SIPA1L1: variants seen among roughly 807,000 people sequenced by gnomAD.
The protein encoded by SIPA1L1 is signal-induced proliferation-associated 1-like protein 1.
SIPA1L1 carries 26 observed loss-of-function variants against 162.7 expected under a neutral mutation model. That is an observed-to-expected ratio of 0.16 (90% CI 0.12 to 0.22). The LOEUF is 0.22. Ranked by LOEUF, SIPA1L1 falls within the 10% of genes least tolerant of loss-of-function variation. The pLI is 1.00. For synonymous variants in SIPA1L1, 829 were observed against 837.4 expected (o/e 0.99, Z 0.17); for missense variants, 1,874 against 2,241.0 (o/e 0.84, Z 3.31).
chr14:71,738,257 C>A lies in SIPA1L1; in HGVS notation c.5140C>A (p.Pro1714Thr). ...TGTTCCCAGCAGTAAAGACTCCTCT[C>A]CCACTCTGGCTTCTAAAGTGGACCA... ...KPYSSSKDSS[P>T]TLASKVDQLE... The change falls in exon 23 of 24, where the codon CCC (proline) becomes ACC (threonine). Residue 1714 changes from proline (P) to threonine (T), a missense_variant. Transcript: ENST00000381232. 1 of 1,612,486 alleles carries A rather than the reference C, an allele frequency of 6.2e-7. No homozygotes were observed.
chr14:71,632,939 C>G (rs1487213427), intron 7 of SIPA1L1, among the ~76,000 whole-genome samples: 1 of 151,998 alleles, frequency 6.6e-6, no homozygotes, highest in Non-Finnish European at 1.5e-5. Context: ...CCAAAATGTC[C>G]AAAATTGAAT....
intron 4 of SIPA1L1, among the ~76,000 whole-genome samples, chr14:71,552,418 GT>G (rs1277303006): frequency 1.8e-4 from 26 of 148,542 alleles, no homozygotes; most frequent in Admixed American, 1.3e-4. Flanking sequence ...TTGAGACGGA[GT>G]CCCGCTCTTT....
rs754171334 is a variant in SIPA1L1 at position 71,672,383 on chromosome 14, T to C, written c.2865T>C (p.Thr955=). ...VSKGCESVEM[T]LRRNGLGQLG... The stretch of plus-strand genomic sequence containing the variant: ...AAGGCTGTGAATCGGTGGAGATGAC[T>C]CTGCGAAGAAATGGGCTAGGACAGC... Residue 955 remains threonine, a synonymous_variant, in exon 12 of 24, where the codon ACT becomes ACC. Transcript: ENST00000381232. 3.7e-6 allele frequency: 6 copies of C among 1,614,242 alleles called. No homozygotes were observed. Among genetic ancestry groups the C allele is most frequent in the Admixed American group, 1.7e-5 (1 of 60,030 alleles).
chr14:71,634,133 G>A (rs1333758743), intron 7 of SIPA1L1, among the ~76,000 whole-genome samples: 4 of 151,954 alleles, frequency 2.6e-5, no homozygotes, highest in African/African-American at 4.8e-5. Context: ...GGGCACGGTG[G>A]CTCATGCCTG....
chr14:71,327,180 T>C (rs1355241063), intron 2 of SIPA1L1, among the ~76,000 whole-genome samples: 3 of 151,178 alleles, frequency 2.0e-5, no homozygotes, highest in Non-Finnish European at 4.4e-5. Context: ...CCTCCCGGGT[T>C]CAAGCGATTC....
intron 2 of SIPA1L1, among the ~76,000 whole-genome samples, chr14:71,412,503 C>T (rs112299861): frequency 0.018 from 2,734 of 152,104 alleles, 31 homozygotes; most frequent in African/African-American, 0.027. Flanking sequence ...GGGGTCTTAC[C>T]GAGCTCTGTT....
In SIPA1L1 at chr14:71,739,221, C is replaced by T. The variant is rs1188919652; in HGVS notation, c.*60C>T. 12 of 1,477,144 alleles carry T rather than the reference C, an allele frequency of 8.1e-6. No individual in the cohort carries two copies. The highest frequency in any genetic ancestry group is 6.4e-5 in the Admixed American group (3 of 46,994). The allele number at this position is 1,477,144 out of a possible 1,614,324, so 91.5% of individuals were successfully genotyped here. On this transcript the variant is annotated 3_prime_UTR_variant, in exon 24 of 24. Coordinates refer to ENST00000381232, the MANE Select transcript of SIPA1L1 (RefSeq NM_001386936.1). The stretch of plus-strand genomic sequence containing the variant: ...ACTCCCTCCAGTGAGTGTCCTGCAG[C>T]CCTTATTCCCTCCATAGAAAGCATC...
At chr14:71,385,456 G>C (rs1239322725) in intron 2 of SIPA1L1, among the ~76,000 whole-genome samples, 1 of 152,008 alleles carries the variant, frequency 6.6e-6, no homozygotes, top group Admixed American at 6.5e-5. Context: ...TCGAGGATAG[G>C]GACTTGGTTT....
intron 2 of SIPA1L1, among the ~76,000 whole-genome samples, chr14:71,443,407 A>G (rs2045076862): frequency 6.6e-6 from 1 of 152,112 alleles, no homozygotes; most frequent in African/African-American, 2.4e-5. Context: ...TTGATAAAGA[A>G]TTTTATCTTT....
At chr14:71,692,310 T>C (rs2081308890) in intron 13 of SIPA1L1, among the ~76,000 whole-genome samples, 1 of 152,250 alleles carries the variant, frequency 6.6e-6, no homozygotes, top group African/African-American at 2.4e-5. Flanking sequence ...GAATACTTCA[T>C]TTTAAAAGTA....
intron 4 of SIPA1L1, among the ~76,000 whole-genome samples, chr14:71,562,515 G>T (rs1449679494): frequency 6.6e-6 from 1 of 152,116 alleles, no homozygotes; most frequent in Non-Finnish European, 1.5e-5. Flanking sequence ...ATCCAAAGTT[G>T]CTATTAAAGT....
chr14:71,498,047 G>A (rs1285728784), intron 2 of SIPA1L1, among the ~76,000 whole-genome samples: 1 of 152,164 alleles, frequency 6.6e-6, no homozygotes, highest in Non-Finnish European at 1.5e-5. Context: ...GTGTGAGTGG[G>A]ATCTTCTTAT....
chr14:71,324,924 T>C (rs929160076), intron 2 of SIPA1L1, among the ~76,000 whole-genome samples: 1 of 152,036 alleles, frequency 6.6e-6, no homozygotes, highest in African/African-American at 2.4e-5. Context: ...TGTAGGAGCT[T>C]CCTGTTGAAA....
intron 5 of SIPA1L1, among the ~76,000 whole-genome samples, chr14:71,608,879 G>A (rs1315637344): frequency 1.3e-5 from 2 of 152,050 alleles, no homozygotes; most frequent in East Asian, 1.9e-4. Flanking sequence ...GTGACAAAGC[G>A]AGACTCTGTC....
rs115720867 is a variant in SIPA1L1, at chr14:71,344,300, C to T, written c.-465+23119C>T. Among the ~76,000 whole-genome samples, 175 of 152,324 alleles carry T rather than the reference C, an allele frequency of 1.1e-3. 1 individual carries two copies. The highest frequency in any genetic ancestry group is 0.01 in the Middle Eastern group (3 of 294). ...CAGTGATCTCAGACAATTCCTCAAC[C>T]TCTTTCTTAATTTTTAAAAGGAAAA... On this transcript the variant is annotated intron_variant, in intron 2 of 23. Coordinates refer to ENST00000381232, the MANE Select transcript of SIPA1L1 (RefSeq NM_001386936.1).
intron 7 of SIPA1L1, among the ~76,000 whole-genome samples, chr14:71,632,857 A>G (rs529197401): frequency 6.0e-4 from 91 of 152,296 alleles, no homozygotes; most frequent in African/African-American, 2.2e-3. Flanking sequence ...TTTTTTCCAT[A>G]CCAGAATGGT....
chr14:71,672,677 C>T lies in SIPA1L1; in HGVS notation c.3104+55C>T, dbSNP rs1363225064. 3 of 1,559,430 alleles carry T rather than the reference C, an allele frequency of 1.9e-6. No individual in the cohort carries two copies. The African/African-American group carries it at 4.1e-5, about 21-fold the overall frequency. Reference sequence around the variant, plus strand: ...AGACTCGAGTGCAGGGTTTGTGTACCATGTAGAACATCTCTTAGCAGGTAG... The same window carrying T: ...AGACTCGAGTGCAGGGTTTGTGTACTATGTAGAACATCTCTTAGCAGGTAG... On this transcript the variant is annotated intron_variant, in intron 12 of 23. Transcript: ENST00000381232.
In SIPA1L1 at chr14:71,501,684, A is replaced by G. The variant is rs889966729; in HGVS notation, c.-464-11059A>G. Among the ~76,000 whole-genome samples, 13 of 151,912 alleles carry G rather than the reference A, an allele frequency of 8.6e-5. No individual in the cohort carries two copies. In the East Asian group the frequency reaches 1.3e-3, roughly 16 times the overall value. On this transcript the variant is annotated intron_variant, in intron 2 of 23. Transcript: ENST00000381232. ...TTTCTGAAAGTTCTAAAAGATGTAC[A>G]TGTAGAATTTGTACGTTTCAGTTTT...
chr14:71,707,586 G>T (rs1223457310), intron 16 of SIPA1L1, among the ~76,000 whole-genome samples: 1 of 152,106 alleles, frequency 6.6e-6, no homozygotes, highest in African/African-American at 2.4e-5. Context: ...GGCTTCTCTC[G>T]CTGATTATGT....
Sources: allele counts gnomAD v4.1 joint callset (sites outside exome capture counted in the v4.1 genomes callset), GRCh38; gene constraint gnomAD v4.1.1; transcripts MANE v1.5; gene names NCBI Gene and HGNC (gene_info 2026-07-23, HGNC 2026-07-21).